CHCHD6: variants seen among roughly 807,000 people sequenced by gnomAD.
CHCHD6 encodes coiled-coil-helix-coiled-coil-helix domain containing 6.
In CHCHD6, 28 loss-of-function variants were observed where a neutral mutation model predicts 32.3. The observed-to-expected ratio is 0.87, with a 90% confidence interval of 0.64 to 1.19. The LOEUF (loss-of-function observed/expected upper bound fraction) is 1.19, where lower values mean the gene tolerates loss of function less well. Among genes scored for constraint, CHCHD6 ranks in the 50% most tolerant of loss-of-function variants. CHCHD6 has a pLI of 0.00. For synonymous variants in CHCHD6, 122 were observed against 117.5 expected (o/e 1.04, Z -0.25); for missense variants, 333 against 307.0 (o/e 1.08, Z -0.63).
chr3:126,713,833 T>G (rs560364453), intron 1 of CHCHD6, among the ~76,000 whole-genome samples: 1 of 152,220 alleles, frequency 6.6e-6, no homozygotes, highest in South Asian at 2.1e-4. Flanking sequence ...TAATTGATTT[T>G]AAGTAATTGC....
intron 6 of CHCHD6, among the ~76,000 whole-genome samples, chr3:126,938,771 G>C (rs2078518566): frequency 7.0e-6 from 1 of 143,142 alleles, no homozygotes; most frequent in Admixed American, 7.6e-5. Context: ...TGAGGGGGCT[G>C]TGTGGCTCCC....
chr3:126,791,411 G>A (rs567661338), intron 4 of CHCHD6, among the ~76,000 whole-genome samples: 1 of 152,356 alleles, frequency 6.6e-6, no homozygotes, highest in East Asian at 1.9e-4. Flanking sequence ...GCTATGCCCT[G>A]CCCCCAGAGG....
chr3:126,865,457 C>T, intron 5 of CHCHD6: 2 of 530,196 alleles, frequency 3.8e-6, no homozygotes, highest in Non-Finnish European at 4.8e-6. Context: ...GCTTCATTTC[C>T]AGTGCCTACA....
At chr3:126,871,204 C>T (rs1283650388) in intron 5 of CHCHD6, among the ~76,000 whole-genome samples, 1 of 152,064 alleles carries the variant, frequency 6.6e-6, no homozygotes, top group Non-Finnish European at 1.5e-5. Flanking sequence ...GTTAACTGAA[C>T]ACCTTTCACC....
chr3:126,807,023 G>T (rs1251536659), intron 4 of CHCHD6, among the ~76,000 whole-genome samples: 5 of 124,346 alleles, frequency 4.0e-5, no homozygotes, highest in African/African-American at 1.2e-4. Flanking sequence ...ACAGGAAGGG[G>T]AACATCACAC....
At chr3:126,901,618 G>A (rs1390419621) in intron 5 of CHCHD6, among the ~76,000 whole-genome samples, 1 of 152,246 alleles carries the variant, frequency 6.6e-6, no homozygotes, top group Non-Finnish European at 1.5e-5. Context: ...AGTATAATAT[G>A]TGTGAGAGAG....
At chr3:126,875,131 A>G (rs1248796035) in intron 5 of CHCHD6, among the ~76,000 whole-genome samples, 1 of 152,326 alleles carries the variant, frequency 6.6e-6, no homozygotes, top group East Asian at 1.9e-4. Flanking sequence ...TGGCTGCACC[A>G]TCGTGAGACT....
intron 4 of CHCHD6, among the ~76,000 whole-genome samples, chr3:126,801,532 C>T (rs1939070881): frequency 6.6e-6 from 1 of 152,242 alleles, no homozygotes; most frequent in Non-Finnish European, 1.5e-5. Flanking sequence ...ATTGCCCAGG[C>T]TTGCTTAGGT....
At chr3:126,903,167 C>T (rs959732279) in intron 5 of CHCHD6, among the ~76,000 whole-genome samples, 4 of 152,168 alleles carry the variant, frequency 2.6e-5, no homozygotes, top group African/African-American at 9.7e-5. Context: ...TGCAGTGCCT[C>T]GTCCAGCCTT....
chr3:126,944,954 T>C (rs1292885061), intron 6 of CHCHD6, among the ~76,000 whole-genome samples: 1 of 151,996 alleles, frequency 6.6e-6, no homozygotes, highest in Non-Finnish European at 1.5e-5. Context: ...GTGAGAGGGG[T>C]CCCTGAGGGC....
intron 4 of CHCHD6, among the ~76,000 whole-genome samples, chr3:126,798,532 A>G (rs1938906535): frequency 2.0e-5 from 3 of 152,018 alleles, no homozygotes; most frequent in Admixed American, 6.6e-5. Context: ...CCTTTGTGGC[A>G]GGCCTAGTCA....
At chr3:126,847,097 A>G (rs1034737165) in intron 4 of CHCHD6, among the ~76,000 whole-genome samples, 2 of 152,228 alleles carry the variant, frequency 1.3e-5, no homozygotes, top group Non-Finnish European at 2.9e-5. Flanking sequence ...AACAGTTACT[A>G]AGTAACAAAT....
chr3:126,828,676 G>C (rs1461151044), intron 4 of CHCHD6, among the ~76,000 whole-genome samples: 1 of 152,166 alleles, frequency 6.6e-6, no homozygotes, highest in African/African-American at 2.4e-5. Flanking sequence ...CTGTTTTGGA[G>C]GGGGAATGTA....
At chr3:126,733,031 C>CAAGACAGATGTGGATGG in intron 3 of CHCHD6, 47 bp from the exon 4 acceptor site, 1 of 1,604,450 alleles carries the variant, frequency 6.2e-7, no homozygotes, top group Non-Finnish European at 8.5e-7. Flanking sequence ...TATGGGCTGC[C>CAAGACAGATGTGGATGG]CGTCATGCCA....
chr3:126,893,962 C>T (rs983457087), intron 5 of CHCHD6, among the ~76,000 whole-genome samples: 3 of 152,350 alleles, frequency 2.0e-5, no homozygotes, highest in Admixed American at 1.3e-4. Flanking sequence ...CTGCCCTTGG[C>T]GGGAGCTGTG....
At chr3:126,908,153 T>A (rs1055457907) in intron 5 of CHCHD6, among the ~76,000 whole-genome samples, 2 of 152,218 alleles carry the variant, frequency 1.3e-5, no homozygotes, top group Admixed American at 1.3e-4. Context: ...ACTGTTTGAT[T>A]GGAGTTTTGA....
intron 4 of CHCHD6, among the ~76,000 whole-genome samples, chr3:126,790,689 C>G (rs1938485844): frequency 6.6e-6 from 1 of 152,098 alleles, no homozygotes; most frequent in Non-Finnish European, 1.5e-5. Flanking sequence ...CATTTAAGGC[C>G]TTCTCTACAT....
At chr3:126,900,014 A>G (rs865946180) in intron 5 of CHCHD6, among the ~76,000 whole-genome samples, 3 of 152,152 alleles carry the variant, frequency 2.0e-5, no homozygotes, top group Admixed American at 1.3e-4. Flanking sequence ...ATCTCCCACA[A>G]TCTCACCAGA....
At chr3:126,956,264 G>T (rs374463153) in intron 6 of CHCHD6, among the ~76,000 whole-genome samples, 7 of 152,190 alleles carry the variant, frequency 4.6e-5, no homozygotes, top group African/African-American at 1.7e-4. Flanking sequence ...GCCCTCAGCC[G>T]TGAGTGGTGT....
Sources: gnomAD v4.1 joint callset for allele counts (sites outside exome capture counted in the v4.1 genomes callset) on GRCh38, gnomAD v4.1.1 for gene constraint, MANE v1.5 for transcripts, NCBI Gene and HGNC (gene_info 2026-07-23, HGNC 2026-07-21) for gene names.